Variants in TNS3 observed in about 807,000 individuals in gnomAD.
TNS3 encodes the protein tensin-3.
In TNS3, 45 loss-of-function variants were observed where a neutral mutation model predicts 140.9. The ratio of observed to expected loss-of-function variants is 0.32; its 90% CI spans 0.25 to 0.41. The LOEUF (loss-of-function observed/expected upper bound fraction) is 0.41, where lower values mean the gene tolerates loss of function less well. Among genes scored for constraint, TNS3 ranks in the 10% least tolerant of loss-of-function variants. TNS3 has a pLI of 1.00. For synonymous variants in TNS3, 815 were observed against 788.4 expected, an observed-to-expected ratio of 1.03 and a Z score of -0.56; for missense variants, 1,716 against 1,906.7, an observed-to-expected ratio of 0.90 and a Z score of 1.86.
At chr7:47,355,457 C>T (rs74482589) in intron 17 of TNS3, among the ~76,000 whole-genome samples, 2 of 152,170 alleles carry the variant, frequency 1.3e-5, no homozygotes, top group Non-Finnish European at 2.9e-5. Flanking sequence ...GATGCATCGC[C>T]GTCAGAGCCC....
chr7:47,397,106 G>A (rs750222699), intron 15 of TNS3, among the ~76,000 whole-genome samples: 19 of 151,906 alleles, frequency 1.3e-4, no homozygotes, highest in African/African-American at 4.1e-4. Context: ...TTAAAGCCAC[G>A]AGGGGGAAGG....
At chr7:47,498,564 G>T (rs760998087) in intron 3 of TNS3, among the ~76,000 whole-genome samples, 6 of 152,158 alleles carry the variant, frequency 3.9e-5, no homozygotes, top group Non-Finnish European at 5.9e-5. Flanking sequence ...GAAAACACAG[G>T]ATACATTTTA....
chr7:47,340,115 A>ATATATATTTTTTTTTTTTTTT (rs1554297219), intron 20 of TNS3, among the ~76,000 whole-genome samples: 1 of 28,578 alleles, frequency 3.5e-5, no homozygotes, highest in Non-Finnish European at 6.8e-5. Context: ...ATATATATAT[A>ATATATATTTTTTTTTTTTTTT]TTTTTTTTTT....
chr7:47,559,071 G>A (rs1344528072), intron 1 of TNS3, among the ~76,000 whole-genome samples: 1 of 152,218 alleles, frequency 6.6e-6, no homozygotes, highest in African/African-American at 2.4e-5. Flanking sequence ...ATACAGACAG[G>A]CAGGTCGTGG....
chr7:47,499,485 G>A (rs1001721011), intron 3 of TNS3, among the ~76,000 whole-genome samples: 1 of 152,188 alleles, frequency 6.6e-6, no homozygotes, highest in East Asian at 1.9e-4. Flanking sequence ...CCTTGAGTAG[G>A]TGAATGGAGG....
At chr7:47,409,532 G>T (rs550049530) in intron 13 of TNS3, among the ~76,000 whole-genome samples, 1 of 152,216 alleles carries the variant, frequency 6.6e-6, no homozygotes, top group South Asian at 2.1e-4. Context: ...ACTCATCACT[G>T]AAGACCTGGT....
rs182632508 is a variant in TNS3, at chr7:47,483,314, C to T, written c.-114-2173G>A. On this transcript the variant is annotated intron_variant, in intron 3 of 30. Transcript: ENST00000311160. ...CCTCTCGAGTAGCTGGGACTACAGG[C>T]GCCCGCCACCACGCCTGGCTAATTT... Among the ~76,000 whole-genome samples, 1,279 of 152,070 alleles carry T rather than the reference C, an allele frequency of 8.4e-3. 7 individuals carry two copies. Among genetic ancestry groups the T allele is most frequent in the Non-Finnish European group, 0.013 (882 of 67,982 alleles).
At chr7:47,438,891 T>C (rs942832915) in intron 6 of TNS3, among the ~76,000 whole-genome samples, 7 of 152,110 alleles carry the variant, frequency 4.6e-5, no homozygotes, top group African/African-American at 1.7e-4. Context: ...TTAGTGACTG[T>C]TGACAGCAGA....
In TNS3 at chr7:47,299,714, T is replaced by C. The variant is rs141633351; in HGVS notation, c.3544+2472A>G. Among the ~76,000 whole-genome samples the C allele has an allele frequency of 7.3e-3, 1,105 of 152,252 alleles. 3 individuals carry two copies. Among genetic ancestry groups the C allele is most frequent in the Middle Eastern group, 0.031 (9 of 294 alleles). ...GGGCTGTGCTCTCCTGCACAGGCAA[T>C]GGGAGTAAGAGGAGAATTTTAGACC... On this transcript the variant is annotated intron_variant, in intron 23 of 30. Coordinates refer to ENST00000311160, the MANE Select transcript of TNS3 (RefSeq NM_022748.12).
At chr7:47,454,113 C>G (rs1796145568) in intron 4 of TNS3, among the ~76,000 whole-genome samples, 1 of 152,198 alleles carries the variant, frequency 6.6e-6, no homozygotes, top group Non-Finnish European at 1.5e-5. Flanking sequence ...CCAGCATAAC[C>G]CTATCAGTGG....
intron 16 of TNS3, among the ~76,000 whole-genome samples, chr7:47,383,239 T>C (rs567056284): frequency 6.6e-6 from 1 of 152,176 alleles, no homozygotes; most frequent in East Asian, 1.9e-4. Context: ...CATGAAAGGA[T>C]GGAGCGTAAC....
chr7:47,343,340 C>CA (rs1789129803), intron 20 of TNS3, among the ~76,000 whole-genome samples: 1 of 152,206 alleles, frequency 6.6e-6, no homozygotes, highest in African/African-American at 2.4e-5. Context: ...CTCTTATGCT[C>CA]AATACAGTGA....
chr7:47,398,030 C>T lies in TNS3; in HGVS notation c.920-1126G>A, dbSNP rs370073616. On this transcript the variant is annotated intron_variant, in intron 15 of 30. Transcript: ENST00000311160. ...AAAGATCATTCAAGACTATTATGAA[C>T]ACCTTTATGTATATAAACTACAAAA... Among the ~76,000 whole-genome samples the T allele has an allele frequency of 5.4e-3, 829 of 152,248 alleles. 9 individuals carry two copies. The highest frequency in any genetic ancestry group is 0.019 in the African/African-American group (786 of 41,560).
At chr7:47,478,221 C>G (rs531027133) in intron 4 of TNS3, among the ~76,000 whole-genome samples, 1 of 152,226 alleles carries the variant, frequency 6.6e-6, no homozygotes, top group South Asian at 2.1e-4. Flanking sequence ...GTTAAAGCAC[C>G]GATCGCAGGG....
At chr7:47,579,861 CCTCAGGT>C in intron 1 of TNS3, 1 of 985,440 alleles carries the variant, frequency 1.0e-6, no homozygotes, top group Non-Finnish European at 1.2e-6. Context: ...ACTGCCTCCT[CCTCAGGT>C]CTCTGCTATC....
At chr7:47,515,975 C>G (rs1170656223) in intron 2 of TNS3, among the ~76,000 whole-genome samples, 2 of 152,206 alleles carry the variant, frequency 1.3e-5, no homozygotes, top group African/African-American at 4.8e-5. Context: ...ACCTCCACCA[C>G]GCTCTGCTGC....
chr7:47,474,176 C>G (rs1177893398), intron 4 of TNS3, among the ~76,000 whole-genome samples: 1 of 145,242 alleles, frequency 6.9e-6, no homozygotes, highest in Non-Finnish European at 1.5e-5. Context: ...ACACACAACA[C>G]CTCACACAAC....
At chr7:47,555,033 AAAAG>A (rs893801956) in intron 1 of TNS3, among the ~76,000 whole-genome samples, 18 of 152,094 alleles carry the variant, frequency 1.2e-4, no homozygotes, top group African/African-American at 4.3e-4. Context: ...TCTCAAAAAA[AAAAG>A]AATGGAATCT....
chr7:47,426,712 T>A (rs145753677), intron 9 of TNS3, among the ~76,000 whole-genome samples: 389 of 152,274 alleles, frequency 2.6e-3, no homozygotes, highest in African/African-American at 8.9e-3. Flanking sequence ...ACAGAGTTTG[T>A]ACCAAGAGCG....
Sources: gnomAD v4.1 joint callset for allele counts (sites outside exome capture counted in the v4.1 genomes callset) on GRCh38, gnomAD v4.1.1 for gene constraint, MANE v1.5 for transcripts, NCBI Gene and HGNC (gene_info 2026-07-23, HGNC 2026-07-21) for gene names.